ANO2: variants seen among roughly 807,000 people sequenced by gnomAD.
ANO2 encodes anoctamin-2.
ANO2 carries 101 observed loss-of-function variants against 124.2 expected under a neutral mutation model. The ratio of observed to expected loss-of-function variants is 0.81; its 90% CI spans 0.69 to 0.96. ANO2 has a LOEUF of 0.96. ANO2 is among the 40% of genes least tolerant of loss of function. ANO2 has a pLI of 0.00. For missense variants in ANO2, 1,293 were observed against 1,274.5 expected, an observed-to-expected ratio of 1.01 and a Z score of -0.22; for synonymous variants, 486 against 482.5, an observed-to-expected ratio of 1.01 and a Z score of -0.09.
intron 14 of ANO2, among the ~76,000 whole-genome samples, chr12:5,666,265 A>G (rs1947709571): frequency 1.3e-5 from 2 of 152,244 alleles, no homozygotes; most frequent in Non-Finnish European, 2.9e-5. Flanking sequence ...ACAGAAATGA[A>G]GAGAGTCTTT....
chr12:5,915,502 T>C (rs1941327054), intron 3 of ANO2, among the ~76,000 whole-genome samples: 1 of 152,212 alleles, frequency 6.6e-6, no homozygotes, highest in African/African-American at 2.4e-5. Context: ...TTTTGATCTG[T>C]AAGGCTAAGT....
At chr12:5,609,973 A>G (rs984114092) in intron 19 of ANO2, among the ~76,000 whole-genome samples, 1 of 143,432 alleles carries the variant, frequency 7.0e-6, no homozygotes, top group Non-Finnish European at 1.5e-5. Context: ...ATTTATGTAT[A>G]AATATATGCA....
At chr12:5,901,879 C>A (rs1317012272) in intron 3 of ANO2, among the ~76,000 whole-genome samples, 1 of 152,208 alleles carries the variant, frequency 6.6e-6, no homozygotes, top group Non-Finnish European at 1.5e-5. Flanking sequence ...GCTCCAGAGA[C>A]AATTCCCCAT....
intron 5 of ANO2, among the ~76,000 whole-genome samples, chr12:5,831,248 C>T (rs1346594685): frequency 6.6e-6 from 1 of 152,232 alleles, no homozygotes; most frequent in African/African-American, 2.4e-5. Context: ...AACATAGTAA[C>T]ATGCAGACCA....
At chr12:5,663,092 C>G (rs549800514) in intron 14 of ANO2, among the ~76,000 whole-genome samples, 1 of 152,312 alleles carries the variant, frequency 6.6e-6, no homozygotes, top group East Asian at 1.9e-4. Flanking sequence ...CCTGCGTGGC[C>G]TGCAGGCGAG....
chr12:5,578,549 C>T, intron 20 of ANO2, 31 bp from the exon 21 acceptor site: 1 of 1,596,160 alleles, frequency 6.3e-7, no homozygotes, highest in Non-Finnish European at 8.5e-7. Flanking sequence ...AGGGCTTCAG[C>T]AGGAACAAGC....
chr12:5,875,275 G>C (rs925233048), intron 3 of ANO2, among the ~76,000 whole-genome samples: 1 of 152,190 alleles, frequency 6.6e-6, no homozygotes, highest in Non-Finnish European at 1.5e-5. Flanking sequence ...TCATCACTAG[G>C]ACAGACCATG....
chr12:5,799,324 C>T lies in ANO2; in HGVS notation c.1055+183G>A, dbSNP rs78414763. ...CAGTATCTTTTGCCCCACGCAGCCTCCATGTCCCTCCCATGTCCCCAGCTG... is the reference window on the plus strand; with the variant it reads ...CAGTATCTTTTGCCCCACGCAGCCTTCATGTCCCTCCCATGTCCCCAGCTG... On this transcript the variant is annotated intron_variant, in intron 10 of 24. Coordinates refer to ENST00000682330, the MANE Select transcript of ANO2 (RefSeq NM_001364791.2). 6.6e-5 allele frequency among the ~76,000 whole-genome samples: 10 copies of T among 152,362 alleles called. No homozygotes were observed. The East Asian group carries it at 1.7e-3, about 26-fold the overall frequency.
At chr12:5,919,250 A>T (rs73047666) in intron 3 of ANO2, among the ~76,000 whole-genome samples, 2,891 of 152,282 alleles carry the variant, frequency 0.019, 39 homozygotes, top group Middle Eastern at 0.034. Flanking sequence ...CAGAGAGCTG[A>T]AGAGAGGGAA....
intron 1 of ANO2, among the ~76,000 whole-genome samples, chr12:5,923,925 T>C (rs1591800200): frequency 6.6e-6 from 1 of 152,212 alleles, no homozygotes. Context: ...TTTGTGCTTG[T>C]TCTCTAGCTG....
intron 3 of ANO2, among the ~76,000 whole-genome samples, chr12:5,914,157 G>T (rs1025563579): frequency 2.0e-5 from 3 of 151,586 alleles, no homozygotes; most frequent in Non-Finnish European, 4.4e-5. Context: ...CCAAGATTGC[G>T]CTACTGCACT....
Position 5,787,365 on chromosome 12 carries a change from C to T in ANO2, c.1055+12142G>A, listed in dbSNP as rs1017005494. 6.6e-6 allele frequency among the ~76,000 whole-genome samples: 1 copy of T among 152,136 alleles called. No individual in the cohort carries two copies. The highest frequency in any genetic ancestry group is 1.5e-5 in the Non-Finnish European group (1 of 68,016). Reference sequence around the variant, plus strand: ...TCCCTAACCAGCCCAAAAGCTCCTCCGTGACCTGGCTCCCCACAAGCATCT... The same window carrying T: ...TCCCTAACCAGCCCAAAAGCTCCTCTGTGACCTGGCTCCCCACAAGCATCT... On this transcript the variant is annotated intron_variant, in intron 10 of 24. Coordinates refer to ENST00000682330, the MANE Select transcript of ANO2 (RefSeq NM_001364791.2). The surrounding 1 kb of genome is among the most constrained non-coding windows in gnomAD (Gnocchi z 4.2).
chr12:5,568,299 A>G (rs1941898661), intron 23 of ANO2, among the ~76,000 whole-genome samples: 1 of 150,960 alleles, frequency 6.6e-6, no homozygotes, highest in Non-Finnish European at 1.5e-5. Context: ...CCGCCACCAC[A>G]CCCGGCTAAT....
At chr12:5,684,678 A>G (rs1016102449) in intron 14 of ANO2, among the ~76,000 whole-genome samples, 3 of 152,178 alleles carry the variant, frequency 2.0e-5, no homozygotes, top group African/African-American at 7.2e-5. Context: ...AGCATATGGG[A>G]CACGGCATGC....
intron 14 of ANO2, among the ~76,000 whole-genome samples, chr12:5,723,455 G>A (rs1950318142): frequency 6.6e-6 from 1 of 152,056 alleles, no homozygotes; most frequent in Non-Finnish European, 1.5e-5. Context: ...ATCCTAGACT[G>A]CCCACATCTC....
intron 9 of ANO2, among the ~76,000 whole-genome samples, chr12:5,800,296 G>C (rs564852760): frequency 5.3e-4 from 80 of 152,358 alleles, no homozygotes; most frequent in African/African-American, 1.9e-3. Flanking sequence ...GAAAGAACCA[G>C]GATGGCCAGA....
At position 5,612,682 on chromosome 12, in the gene ANO2, C is replaced by T. The variant is rs71581012; in HGVS notation, c.2061G>A (p.Gln687=). The T allele has an allele frequency of 6.4e-4, 1,032 of 1,613,876 alleles. 6 individuals carry two copies. The highest frequency in any genetic ancestry group is 3.8e-3 in the South Asian group (344 of 91,068). Residue 687 remains glutamine, a synonymous_variant, in exon 19 of 25, where the codon CAG becomes CAA. Coordinates refer to ENST00000682330, the MANE Select transcript of ANO2 (RefSeq NM_001364791.2). The part of the protein sequence containing the change: ...SIIMLGKQLI[Q]NNIFEIGVPK... ...GGACTCCAATCTCAAAGATGTTGTT[C>T]TGGATCAACTGCTTCCCCAACATGA...
In ANO2 at chr12:5,578,435, CT is replaced by C; in HGVS notation, c.2316del (p.Val773CysfsTer12). On this transcript the variant is annotated frameshift_variant, in exon 21 of 25. Transcript: ENST00000682330. LOFTEE classifies it high-confidence loss of function. The stretch of plus-strand genomic sequence containing the variant: ...ACAAACTTCTTTGCATCGAGCCGCA[CT>C]TCAATGACGTTGTTGAGGAGGGCAA... ...PVFALLNNVI[E>X]VRLDAKKFVT... is the part of the protein sequence containing the mutation. 1 of 1,613,998 alleles carries C rather than the reference CT, an allele frequency of 6.2e-7. No homozygotes were observed. The highest frequency in any genetic ancestry group is 8.5e-7 in the Non-Finnish European group (1 of 1,179,884).
intron 12 of ANO2, among the ~76,000 whole-genome samples, chr12:5,742,761 C>T (rs888395592): frequency 3.3e-5 from 5 of 152,108 alleles, no homozygotes; most frequent in Non-Finnish European, 5.9e-5. Context: ...ATTCTGGGTT[C>T]CAAATCAGTT....
Sources: allele counts gnomAD v4.1 joint callset (sites outside exome capture counted in the v4.1 genomes callset), GRCh38; gene constraint gnomAD v4.1.1; non-coding constraint Gnocchi (gnomAD v3.1); transcripts MANE v1.5; gene names NCBI Gene and HGNC (gene_info 2026-07-23, HGNC 2026-07-21).